GALNT7: variants seen among roughly 807,000 people sequenced by gnomAD.
GALNT7 encodes the protein polypeptide N-acetylgalactosaminyltransferase 7.
GALNT7 carries 60 observed loss-of-function variants against 82.1 expected under a neutral mutation model. The ratio of observed to expected loss-of-function variants is 0.73; its 90% CI spans 0.59 to 0.91. The LOEUF is 0.91. Ranked by LOEUF, GALNT7 falls within the 40% of genes least tolerant of loss-of-function variation. The probability of loss-of-function intolerance (pLI) is 0.00; values close to 1 mark genes in which losing one functional copy is unlikely to be tolerated. For synonymous variants in GALNT7, 243 were observed against 275.1 expected (o/e 0.88, Z 1.15); for missense variants, 660 against 804.2 (o/e 0.82, Z 2.17).
chr4:173,188,261 A>G (rs150500494), intron 1 of GALNT7, among the ~76,000 whole-genome samples: 48 of 152,334 alleles, frequency 3.2e-4, no homozygotes, highest in African/African-American at 9.1e-4. Context: ...TTGGTCTTCT[A>G]GGTAACAACT....
intron 2 of GALNT7, among the ~76,000 whole-genome samples, chr4:173,261,769 A>G (rs1057461562): frequency 6.6e-6 from 1 of 152,198 alleles, no homozygotes; most frequent in Non-Finnish European, 1.5e-5. Flanking sequence ...CAGTGAACTG[A>G]GACTGTGCCA....
rs28576760 is a variant in GALNT7, at chr4:173,255,040, C to G, written c.587+6600C>G. On this transcript the variant is annotated intron_variant, in intron 2 of 11. Coordinates refer to ENST00000265000, the MANE Select transcript of GALNT7 (RefSeq NM_017423.3). ...TTAAGGTTCTGGCTAACAACAGATG[C>G]ATTTAGACAAACTGAAATTATTTTA... 5.3e-5 allele frequency among the ~76,000 whole-genome samples: 8 copies of G among 152,318 alleles called. No homozygotes were observed. The East Asian group carries it at 1.5e-3, about 29-fold the overall frequency.
chr4:173,288,686 G>A (rs1198083786), intron 2 of GALNT7, among the ~76,000 whole-genome samples: 1 of 152,060 alleles, frequency 6.6e-6, no homozygotes, highest in Non-Finnish European at 1.5e-5. Context: ...AAAGGAGAAG[G>A]AAACAATCCA....
At chr4:173,249,765 G>A (rs971870980) in intron 2 of GALNT7, among the ~76,000 whole-genome samples, 4 of 151,950 alleles carry the variant, frequency 2.6e-5, no homozygotes, top group Admixed American at 6.6e-5. Context: ...ATTTTAACTC[G>A]GTGTTCTGTG....
chr4:173,170,149 T>A (rs1731810476), intron 1 of GALNT7, among the ~76,000 whole-genome samples: 1 of 152,014 alleles, frequency 6.6e-6, no homozygotes, highest in African/African-American at 2.4e-5. Context: ...GGATGAACCG[T>A]TGCACCACCT....
chr4:173,233,096 T>G (rs1239686949), intron 1 of GALNT7, among the ~76,000 whole-genome samples: 1 of 152,232 alleles, frequency 6.6e-6, no homozygotes, highest in African/African-American at 2.4e-5. Context: ...TAGTACTCCA[T>G]TGTGTGTATA....
rs747940095 is a variant in GALNT7, at chr4:173,295,546, T to G, written c.885+20T>G. 1.2e-6 allele frequency: 2 copies of G among 1,605,424 alleles called. No individual in the cohort carries two copies. Among genetic ancestry groups the G allele is most frequent in the African/African-American group, 1.3e-5 (1 of 74,660 alleles). Reference sequence around the variant, plus strand: ...GGACAGGTAGGAAGCATTTGATATCTACAATGTCAACATTTTGGGTTTGGT... The same window carrying G: ...GGACAGGTAGGAAGCATTTGATATCGACAATGTCAACATTTTGGGTTTGGT... On this transcript the variant is annotated intron_variant, in intron 4 of 11. Transcript: ENST00000265000.
At chr4:173,243,192 T>TTTATA (rs1179394568) in intron 1 of GALNT7, among the ~76,000 whole-genome samples, 1 of 152,216 alleles carries the variant, frequency 6.6e-6, no homozygotes, top group Non-Finnish European at 1.5e-5. Flanking sequence ...TCCCTTTGGA[T>TTTATA]TTATATTATC....
At chr4:173,192,374 C>A (rs1732653435) in intron 1 of GALNT7, among the ~76,000 whole-genome samples, 1 of 152,066 alleles carries the variant, frequency 6.6e-6, no homozygotes. Flanking sequence ...TTATAAGCAA[C>A]AAGTTCCTTT....
At chr4:173,318,637 T>C (rs781322381) in intron 11 of GALNT7, 78 bp downstream of exon 11, 15 of 942,570 alleles carry the variant, frequency 1.6e-5, no homozygotes, top group Admixed American at 4.8e-5. Context: ...TTTAGATAAA[T>C]AAATCTTAAA....
At chr4:173,229,011 C>T (rs1227639673) in intron 1 of GALNT7, among the ~76,000 whole-genome samples, 1 of 152,158 alleles carries the variant, frequency 6.6e-6, no homozygotes, top group Non-Finnish European at 1.5e-5. Context: ...ATTTGAAAAC[C>T]TTATTTTATT....
intron 8 of GALNT7, among the ~76,000 whole-genome samples, chr4:173,308,748 C>T (rs867450426): frequency 6.6e-6 from 1 of 152,086 alleles, no homozygotes; most frequent in Non-Finnish European, 1.5e-5. Flanking sequence ...ACTAAAAATA[C>T]AAAAATTAGC....
chr4:173,212,498 T>G (rs1733312477), intron 1 of GALNT7, among the ~76,000 whole-genome samples: 1 of 152,188 alleles, frequency 6.6e-6, no homozygotes, highest in Admixed American at 6.5e-5. Flanking sequence ...GTTTAGATTA[T>G]CTAGACTAAC....
intron 2 of GALNT7, among the ~76,000 whole-genome samples, chr4:173,284,746 AC>A (rs1736257678): frequency 1.3e-5 from 2 of 152,124 alleles, no homozygotes; most frequent in East Asian, 3.9e-4. Flanking sequence ...AACAAAAAAA[AC>A]CTTTTCATTA....
At chr4:173,281,627 TG>T (rs1280112641) in intron 2 of GALNT7, among the ~76,000 whole-genome samples, 1 of 152,224 alleles carries the variant, frequency 6.6e-6, no homozygotes, top group Non-Finnish European at 1.5e-5. Context: ...CTAGGTCTCC[TG>T]CCCAAGTACA....
intron 2 of GALNT7, among the ~76,000 whole-genome samples, chr4:173,265,587 ATCTCTCTCTCTC>A (rs59676800): frequency 5.1e-5 from 6 of 118,024 alleles, no homozygotes; most frequent in African/African-American, 2.1e-4. Flanking sequence ...TGGCGTAAGC[ATCTCTCTCTCTC>A]TCTCTCTCTC....
chr4:173,242,690 A>G (rs1439205493), intron 1 of GALNT7, among the ~76,000 whole-genome samples: 1 of 152,204 alleles, frequency 6.6e-6, no homozygotes, highest in East Asian at 1.9e-4. Flanking sequence ...GCAGAGAGAA[A>G]GAAGGGTACT....
intron 8 of GALNT7, among the ~76,000 whole-genome samples, chr4:173,313,155 A>C (rs1001813035): frequency 1.2e-4 from 19 of 152,210 alleles, no homozygotes; most frequent in African/African-American, 4.6e-4. Flanking sequence ...TTATAGTTAT[A>C]ACAGGATCAA....
intron 8 of GALNT7, among the ~76,000 whole-genome samples, chr4:173,309,994 A>G (rs1737318760): frequency 6.6e-6 from 1 of 152,324 alleles, no homozygotes; most frequent in African/African-American, 2.4e-5. Context: ...AAAATTAGCT[A>G]TATATACCAT....
Sources: gnomAD v4.1 joint callset for allele counts (sites outside exome capture counted in the v4.1 genomes callset) on GRCh38, gnomAD v4.1.1 for gene constraint, MANE v1.5 for transcripts, NCBI Gene and HGNC (gene_info 2026-07-23, HGNC 2026-07-21) for gene names.